NLRP4: variants seen among roughly 807,000 people sequenced by gnomAD.
NLRP4 encodes the protein NLR family pyrin domain containing 4, also known as NACHT, LRR and PYD domains-containing protein 4.
NLRP4 carries 44 observed loss-of-function variants against 84.7 expected under a neutral mutation model. That is an observed-to-expected ratio of 0.52 (90% CI 0.41 to 0.67). The LOEUF (loss-of-function observed/expected upper bound fraction) is 0.67. Ranked by LOEUF, NLRP4 falls within the 30% of genes least tolerant of loss-of-function variation. The probability of loss-of-function intolerance (pLI) is 0.00; values close to 1 mark genes in which losing one functional copy is unlikely to be tolerated. For missense variants in NLRP4, 1,260 were observed against 1,219.4 expected (o/e 1.03, Z -0.50); for synonymous variants, 544 against 476.4 (o/e 1.14, Z -1.85).
intron 5 of NLRP4, 56 bp from the exon 6 acceptor site, chr19:55,867,653 G>A (rs199475752): frequency 3.3e-6 from 5 of 1,510,710 alleles, no homozygotes; most frequent in Non-Finnish European, 4.5e-6. Flanking sequence ...ATTGGCAAGA[G>A]GAATGAGTCC....
intron 7 of NLRP4, among the ~76,000 whole-genome samples, chr19:55,874,532 A>G (rs1349235963): frequency 6.6e-6 from 1 of 152,188 alleles, no homozygotes; most frequent in Non-Finnish European, 1.5e-5. Context: ...GAAAATTTAG[A>G]TATTTTCAAG....
chr19:55,874,486 A>G, intron 7 of NLRP4, among the ~76,000 whole-genome samples: 2 of 152,332 alleles, frequency 1.3e-5, no homozygotes, highest in South Asian at 4.1e-4. Flanking sequence ...CAGATATTAA[A>G]AAGATTACAT....
chr19:55,845,176 C>G (rs1480196477), intron 1 of NLRP4, among the ~76,000 whole-genome samples: 4 of 106,646 alleles, frequency 3.8e-5, no homozygotes, highest in Non-Finnish European at 7.2e-5. Context: ...TCCCTCCCCC[C>G]TCCCCCCACC....
At chr19:55,840,338 ATGTGTATG>A (rs57985186) in intron 1 of NLRP4, among the ~76,000 whole-genome samples, 10,283 of 136,776 alleles carry the variant, frequency 0.075, 690 homozygotes, top group African/African-American at 0.2. Context: ...ACATATGTGT[ATGTGTATG>A]TGTGTGTGTG....
intron 2 of NLRP4, among the ~76,000 whole-genome samples, chr19:55,856,741 C>G (rs753649448): frequency 2.6e-5 from 4 of 152,032 alleles, no homozygotes; most frequent in Non-Finnish European, 5.9e-5. Flanking sequence ...GTCTTGATCT[C>G]TTGACTTCAT....
At chr19:55,859,556 A>G (rs529075248) in intron 3 of NLRP4, among the ~76,000 whole-genome samples, 8 of 152,164 alleles carry the variant, frequency 5.3e-5, no homozygotes, top group African/African-American at 1.9e-4. Context: ...TCAGTACTAT[A>G]ATCGATATTT....
At chr19:55,841,463 AT>A (rs1487456835) in intron 1 of NLRP4, among the ~76,000 whole-genome samples, 1 of 152,086 alleles carries the variant, frequency 6.6e-6, no homozygotes, top group Non-Finnish European at 1.5e-5. Context: ...AGATTTCATT[AT>A]TTTTTATGGC....
intron 5 of NLRP4, among the ~76,000 whole-genome samples, chr19:55,863,298 G>A (rs1026498252): frequency 3.3e-5 from 5 of 152,130 alleles, no homozygotes; most frequent in Admixed American, 1.3e-4. Flanking sequence ...ACACGTTCTC[G>A]CGCTGCTATA....
chr19:55,852,428 C>A, intron 2 of NLRP4, 68 bp downstream of exon 2: 2 of 959,180 alleles, frequency 2.1e-6, no homozygotes, highest in Non-Finnish European at 3.2e-6. Context: ...GGTGAGTGGT[C>A]TCTGCCTGTC....
intron 3 of NLRP4, among the ~76,000 whole-genome samples, chr19:55,860,687 C>T (rs1372113021): frequency 6.6e-6 from 1 of 152,134 alleles, no homozygotes; most frequent in East Asian, 1.9e-4. Context: ...GTCAAGGATC[C>T]TGTATTTAGG....
intron 2 of NLRP4, among the ~76,000 whole-genome samples, chr19:55,853,779 TTCTGTCTCTCTTTC>T (rs1984271378): frequency 6.7e-6 from 1 of 148,238 alleles, no homozygotes. Flanking sequence ...CTCTCTCTCT[TTCTGTCTCTCTTTC>T]TCTCTCTCTC....
At chr19:55,861,573 G>A (rs761417986) in intron 4 of NLRP4, 26 bp downstream of exon 4, 14 of 1,607,192 alleles carry the variant, frequency 8.7e-6, no homozygotes, top group African/African-American at 4.0e-5. Context: ...ACTTCGACTC[G>A]AGTATGTCAC....
intron 7 of NLRP4, among the ~76,000 whole-genome samples, chr19:55,873,434 A>G (rs1227094478): frequency 6.6e-6 from 1 of 152,210 alleles, no homozygotes; most frequent in Non-Finnish European, 1.5e-5. Flanking sequence ...ATGAAACAAG[A>G]TATATATTTG....
intron 6 of NLRP4, among the ~76,000 whole-genome samples, chr19:55,869,746 C>G (rs908133122): frequency 1.3e-5 from 2 of 151,186 alleles, no homozygotes; most frequent in African/African-American, 4.9e-5. Flanking sequence ...TTGTTTTTCT[C>G]TACTCCACAC....
rs542603177 is a variant in NLRP4 at position 55,847,495 on chromosome 19, A to C, written c.-65-4521A>C. ...TTTTATATATCTAATATGAATAACT[A>C]TTTGCCCTATGTTTTTAGTATCTTT... On this transcript the variant is annotated intron_variant, in intron 1 of 9. Transcript: ENST00000301295. Among the ~76,000 whole-genome samples the C allele has an allele frequency of 5.3e-5, 8 of 152,242 alleles. No homozygotes were observed. In the East Asian group the frequency reaches 1.2e-3, roughly 22 times the overall value.
rs999140430 is a variant in NLRP4, at chr19:55,840,336, GTATGTGTA to G, written c.-66+3404_-66+3411del. 1.8e-3 allele frequency among the ~76,000 whole-genome samples: 216 copies of G among 120,510 alleles called. 6 individuals are homozygous for G. The South Asian group carries it at 0.053, about 30-fold the overall frequency. The allele number at this position is 120,510 out of a possible 152,430, so 79.1% of individuals were successfully genotyped here. A position where few individuals can be genotyped will look rare whatever the true frequency, so the allele number is the denominator to read the frequency against. The stretch of plus-strand genomic sequence containing the variant: ...GGGGTGTGTGTGTATAGACATATGT[GTATGTGTA>G]TGTGTGTGTGTGTGTGTGTGTGTGT... On this transcript the variant is annotated intron_variant, in intron 1 of 9. Transcript: ENST00000301295.
chr19:55,840,055 T>C (rs959663351), intron 1 of NLRP4, among the ~76,000 whole-genome samples: 5 of 152,266 alleles, frequency 3.3e-5, no homozygotes, highest in Non-Finnish European at 7.3e-5. Flanking sequence ...GTGTAACTTA[T>C]ATTATTTGAA....
In NLRP4 at chr19:55,870,810, T is replaced by A. The variant is rs1032610533; in HGVS notation, c.2355-17T>A. The A allele has an allele frequency of 3.6e-5, 58 of 1,603,120 alleles. No homozygotes were observed. The highest frequency in any genetic ancestry group is 4.9e-5 in the Non-Finnish European group (57 of 1,170,448). Reference sequence around the variant, plus strand: ...ACGTCCCTCTTCACTCTCCTTCTCGTGTTTTTGTCCCCATAGGTTGGCTTT... The same window carrying A: ...ACGTCCCTCTTCACTCTCCTTCTCGAGTTTTTGTCCCCATAGGTTGGCTTT... On this transcript the variant is annotated splice_polypyrimidine_tract_variant and intron_variant, in intron 6 of 9. Transcript: ENST00000301295.
At chr19:55,839,698 C>G (rs1021893725) in intron 1 of NLRP4, among the ~76,000 whole-genome samples, 3 of 151,930 alleles carry the variant, frequency 2.0e-5, no homozygotes, top group African/African-American at 7.3e-5. Context: ...TGGGGGTTAT[C>G]CAGTTTGTAT....
Sources: gnomAD v4.1 joint callset for allele counts (sites outside exome capture counted in the v4.1 genomes callset) on GRCh38, gnomAD v4.1.1 for gene constraint, MANE v1.5 for transcripts, NCBI Gene and HGNC (gene_info 2026-07-23, HGNC 2026-07-21) for gene names.